MLIP: variants seen among roughly 807,000 people sequenced by gnomAD.
MLIP encodes the protein muscular LMNA interacting protein.
Under a neutral mutation model 84.8 loss-of-function variants are expected in MLIP, and 79 were observed. The observed-to-expected ratio is 0.93, with a 90% CI of 0.78 to 1.12. The LOEUF is 1.12. MLIP is among the 50% of genes most tolerant of loss of function. The pLI, the probability that MLIP is intolerant of heterozygous loss-of-function variation, is 0.00. For missense variants in MLIP, 1,257 were observed against 1,160.6 expected, an observed-to-expected ratio of 1.08 and a Z score of -1.21; for synonymous variants, 504 against 463.0, an observed-to-expected ratio of 1.09 and a Z score of -1.14.
intron 4 of MLIP, among the ~76,000 whole-genome samples, chr6:54,147,789 G>A (rs1028213430): frequency 2.0e-5 from 3 of 152,112 alleles, no homozygotes; most frequent in Non-Finnish European, 4.4e-5. Flanking sequence ...GTATTTGTGG[G>A]TGACTGATTA....
intron 3 of MLIP, among the ~76,000 whole-genome samples, chr6:54,129,052 A>G (rs1368520128): frequency 6.6e-6 from 1 of 152,138 alleles, no homozygotes; most frequent in Admixed American, 6.5e-5. Flanking sequence ...TAAGACCAAA[A>G]GAACTGACTG....
intron 1 of MLIP, chr6:54,047,537 A>G (rs12191362): frequency 0.04 from 6,031 of 152,336 alleles, 171 homozygotes; most frequent in Non-Finnish European, 0.057. Flanking sequence ...GCAAAAAACT[A>G]TGATGGCAGA....
intron 12 of MLIP, among the ~76,000 whole-genome samples, chr6:54,242,823 G>A (rs1429957848): frequency 6.6e-6 from 1 of 152,050 alleles, no homozygotes; most frequent in Non-Finnish European, 1.5e-5. Flanking sequence ...TAAGTGATTT[G>A]GTTCAAGGTT....
chr6:54,129,308 T>A (rs1027557694), intron 3 of MLIP, among the ~76,000 whole-genome samples: 1 of 152,166 alleles, frequency 6.6e-6, no homozygotes, highest in Non-Finnish European at 1.5e-5. Context: ...ACTAGATTCC[T>A]GAACCCCTTG....
At chr6:54,021,141 A>G (rs964060606) in intron 1 of MLIP, among the ~76,000 whole-genome samples, 12 of 152,206 alleles carry the variant, frequency 7.9e-5, no homozygotes, top group Admixed American at 7.9e-4. Context: ...TTTCATGTTA[A>G]TACCAATGTA....
intron 1 of MLIP, among the ~76,000 whole-genome samples, chr6:54,089,128 G>C (rs1005929127): frequency 1.3e-5 from 2 of 151,998 alleles, no homozygotes; most frequent in Non-Finnish European, 2.9e-5. Flanking sequence ...TTTATTTTTG[G>C]TGTGAGTTTC....
intron 12 of MLIP, among the ~76,000 whole-genome samples, chr6:54,241,301 AGT>A (rs1781720836): frequency 6.6e-6 from 1 of 151,656 alleles, no homozygotes; most frequent in Non-Finnish European, 1.5e-5. Context: ...ATATGGAGAG[AGT>A]GTATGTATAT....
At chr6:54,131,602 G>C (rs564844650) in intron 3 of MLIP, among the ~76,000 whole-genome samples, 253 of 152,146 alleles carry the variant, frequency 1.7e-3, no homozygotes, top group African/African-American at 5.8e-3. Flanking sequence ...TCATTTTAGG[G>C]TGTGCAGACT....
chr6:54,111,720 TAGAGA>T (rs1769482139), intron 1 of MLIP, 145 bp downstream of exon 1: 1 of 880,264 alleles, frequency 1.1e-6, no homozygotes, highest in African/African-American at 1.7e-5. Flanking sequence ...TATCTTCACT[TAGAGA>T]AAAGGGTGAG....
chr6:54,188,770 G>T (rs1263322408), intron 9 of MLIP, among the ~76,000 whole-genome samples: 1 of 152,068 alleles, frequency 6.6e-6, no homozygotes, highest in African/African-American at 2.4e-5. Flanking sequence ...CAGAATAAAA[G>T]AACATACCAA....
rs1342059037 is a variant in MLIP, at chr6:54,182,481, A to T, written c.2545-7389A>T. Among the ~76,000 whole-genome samples, 3 of 152,132 alleles carry T rather than the reference A, an allele frequency of 2.0e-5. No individual in the cohort carries two copies. The East Asian group carries it at 5.8e-4, about 29-fold the overall frequency. ...TATGAAGTTAAAACTAGGTACTATG[A>T]TTGCTCACCTAATTTGCTTCTTGAG... is the stretch of plus-strand genomic sequence containing the variant. On this transcript the variant is annotated intron_variant, in intron 9 of 13. Coordinates refer to ENST00000502396, the MANE Select transcript of MLIP (RefSeq NM_001281747.2).
chr6:54,088,756 T>C (rs1476403032), intron 1 of MLIP, among the ~76,000 whole-genome samples: 1 of 152,212 alleles, frequency 6.6e-6, no homozygotes, highest in Non-Finnish European at 1.5e-5. Context: ...ATTAGTAATC[T>C]GTGTTTTTAT....
At chr6:54,139,790 A>G (rs2150493221) in intron 4 of MLIP, among the ~76,000 whole-genome samples, 1 of 152,246 alleles carries the variant, frequency 6.6e-6, no homozygotes, top group Non-Finnish European at 1.5e-5. Context: ...GTTCTTTATT[A>G]CTATCATTTA....
chr6:54,146,235 C>T (rs1231575336), intron 4 of MLIP, among the ~76,000 whole-genome samples: 1 of 152,146 alleles, frequency 6.6e-6, no homozygotes, highest in Admixed American at 6.6e-5. Flanking sequence ...TTTTTAAACT[C>T]TCCACAAAAA....
At chr6:54,024,735 A>C (rs1763701302) in intron 1 of MLIP, among the ~76,000 whole-genome samples, 1 of 152,224 alleles carries the variant, frequency 6.6e-6, no homozygotes, top group African/African-American at 2.4e-5. Context: ...TCAGTTTCTC[A>C]CATGGACCTG....
At chr6:54,116,697 T>G (rs534529142) in intron 1 of MLIP, among the ~76,000 whole-genome samples, 117 of 152,352 alleles carry the variant, frequency 7.7e-4, no homozygotes, top group African/African-American at 2.8e-3. Flanking sequence ...CTCCTCTAAC[T>G]ATTTCAAAAA....
chr6:54,117,452 G>A, intron 1 of MLIP, among the ~76,000 whole-genome samples: 1 of 150,876 alleles, frequency 6.6e-6, no homozygotes, highest in Admixed American at 6.6e-5. Flanking sequence ...CTGACCTTGT[G>A]AGCCACCCAC....
At chr6:54,027,371 AAATACACACACACAC>A (rs1376905942) in intron 1 of MLIP, among the ~76,000 whole-genome samples, 1 of 121,238 alleles carries the variant, frequency 8.2e-6, no homozygotes, top group East Asian at 2.6e-4. Context: ...GGAATAAAAA[AAATACACACACACAC>A]ACACACACAC....
intron 1 of MLIP, 51 bp from the exon 2 acceptor site, chr6:54,121,396 A>C: frequency 1.3e-6 from 2 of 1,583,112 alleles, no homozygotes; most frequent in Non-Finnish European, 1.7e-6. Flanking sequence ...GAATAAAGGC[A>C]AGATAAACCT....
Sources: allele counts gnomAD v4.1 joint callset (sites outside exome capture counted in the v4.1 genomes callset), GRCh38; gene constraint gnomAD v4.1.1; transcripts MANE v1.5; gene names NCBI Gene and HGNC (gene_info 2026-07-23, HGNC 2026-07-21).